The following ZNF680 variants were observed in gnomAD, a reference collection of about 807,000 sequenced individuals.
ZNF680 encodes hypothetical protein FLJ90430.
In ZNF680, 6 loss-of-function variants were observed where a neutral mutation model predicts 12.1. The observed-to-expected ratio is 0.49, with a 90% CI of 0.27 to 0.98. The LOEUF is 0.98. Among genes scored for constraint, ZNF680 ranks in the 50% least tolerant of loss-of-function variants. The pLI is 0.12. For missense variants in ZNF680, 561 were observed against 616.3 expected (o/e 0.91, Z 0.95); for synonymous variants, 170 against 199.3 (o/e 0.85, Z 1.24).
downstream of ZNF680, among the ~76,000 whole-genome samples, chr7:64,515,698 T>C (rs1176542515): frequency 6.6e-6 from 1 of 152,188 alleles, no homozygotes; most frequent in Non-Finnish European, 1.5e-5. Context: ...CACAAACCTC[T>C]AGCTCACTCA....
chr7:64,543,780 G>A lies in ZNF680; in HGVS notation c.180C>T (p.His60=). Reference sequence around the variant, plus strand: ...TTCCTTGCTCCAAACAGGTTATCAGGTGAGGCTTAGAGACAGCAATACCTG... The same window carrying A: ...TTCCTTGCTCCAAACAGGTTATCAGATGAGGCTTAGAGACAGCAATACCTG... ...VFLGIAVSKP[H]LITCLEQGKE... The change falls in exon 3 of 4, where the codon CAC becomes CAT. Residue 60 remains histidine (H), a synonymous_variant. Coordinates refer to ENST00000309683, the MANE Select transcript of ZNF680 (RefSeq NM_178558.5). 6.2e-7 allele frequency: 1 copy of A among 1,613,316 alleles called. No individual in the cohort carries two copies. Among genetic ancestry groups the A allele is most frequent in the Non-Finnish European group, 8.5e-7 (1 of 1,179,640 alleles).
Position 64,521,076 on chromosome 7 carries a change from G to GT in ZNF680, c.*84dup. Reference sequence around the variant, plus strand: ...TAAATTATCTTACCTACAAGCAAGTGTAACAATCATTGGAAGGCTTTGTCA... The same window carrying GT: ...TAAATTATCTTACCTACAAGCAAGTGTTAACAATCATTGGAAGGCTTTGTCA... On this transcript the variant is annotated 3_prime_UTR_variant, in exon 4 of 4. Transcript: ENST00000309683. The GT allele has an allele frequency of 1.5e-6, 2 of 1,374,564 alleles. No homozygotes were observed. The highest frequency in any genetic ancestry group is 2.9e-5 in the South Asian group (2 of 69,606). The allele number at this position is 1,374,564 out of a possible 1,614,324, so 85.1% of individuals were successfully genotyped here.
chr7:64,540,381 T>C (rs373798418), intron 3 of ZNF680, among the ~76,000 whole-genome samples: 12 of 150,714 alleles, frequency 8.0e-5, no homozygotes, highest in African/African-American at 2.9e-4. Context: ...CTCAGCTCAC[T>C]GTAACCTCTG....
At chr7:64,513,650 A>AT in the ZNF680 span, among the ~76,000 whole-genome samples, 498 of 148,492 alleles carry the variant, frequency 3.4e-3, 1 homozygote, top group African/African-American at 9.9e-3. Flanking sequence ...TTAATTAAAA[A>AT]TTTTTTTTTT....
At chr7:64,518,378 C>T (rs1353187306), downstream of ZNF680, among the ~76,000 whole-genome samples, 1 of 151,820 alleles carries the variant, frequency 6.6e-6, no homozygotes, top group African/African-American at 2.4e-5. Flanking sequence ...CATGAAAGAC[C>T]TCTACAAGGA....
intron 3 of ZNF680, among the ~76,000 whole-genome samples, chr7:64,541,369 G>A (rs1338373241): frequency 6.6e-5 from 10 of 151,994 alleles, no homozygotes; most frequent in Admixed American, 6.6e-4. Flanking sequence ...TTCCTTATTT[G>A]CTTATCATCC....
intron 3 of ZNF680, among the ~76,000 whole-genome samples, chr7:64,532,689 G>A (rs1225987692): frequency 2.6e-5 from 4 of 152,110 alleles, no homozygotes; most frequent in African/African-American, 9.7e-5. Flanking sequence ...CCAACATCAT[G>A]CTAATATCAA....
chr7:64,527,000 G>A (rs968260604), intron 3 of ZNF680, among the ~76,000 whole-genome samples: 8 of 152,226 alleles, frequency 5.3e-5, no homozygotes, highest in Non-Finnish European at 8.8e-5. Context: ...CATTTTGGGA[G>A]GCCGAGGTGG....
rs1562763750 is a variant in ZNF680, at chr7:64,544,437, AAAAC to A, written c.31-9_31-6del. The A allele has an allele frequency of 5.1e-6, 8 of 1,555,922 alleles. No individual in the cohort carries two copies. In the Admixed American group the frequency reaches 5.4e-5, roughly 11 times the overall value. ...ATCCCTAAATGTCAGTGGTCCCTGAAAAACACACACACACACACACACACACACA... is the reference window on the plus strand; with the variant it reads ...ATCCCTAAATGTCAGTGGTCCCTGAAACACACACACACACACACACACACA... On this transcript the variant is annotated splice_region_variant and splice_polypyrimidine_tract_variant and intron_variant, in intron 1 of 3. Transcript: ENST00000309683.
intron 3 of ZNF680, among the ~76,000 whole-genome samples, chr7:64,543,487 T>G (rs111468818): frequency 9.5e-4 from 144 of 152,310 alleles, no homozygotes; most frequent in African/African-American, 3.3e-3. Context: ...TACAGTAAAC[T>G]TGAAGGAAGA....
the ZNF680 span, among the ~76,000 whole-genome samples, chr7:64,499,350 TCAGA>T: frequency 8.8e-5 from 13 of 148,228 alleles, no homozygotes; most frequent in Non-Finnish European, 1.5e-4. Context: ...CACCATCAAC[TCAGA>T]CAAACACTGC....
At chr7:64,558,570 A>C (rs1787547323) in intron 1 of ZNF680, among the ~76,000 whole-genome samples, 1 of 152,182 alleles carries the variant, frequency 6.6e-6, no homozygotes, top group African/African-American at 2.4e-5. Flanking sequence ...AGGGCCCTGG[A>C]AATCTGGGGA....
downstream of ZNF680, among the ~76,000 whole-genome samples, chr7:64,516,929 ACAAAACCTAT>A (rs1162125083): frequency 6.6e-6 from 1 of 152,158 alleles, no homozygotes; most frequent in Non-Finnish European, 1.5e-5. Context: ...TGATATAGTG[ACAAAACCTAT>A]CAAAACCTCT....
chr7:64,541,843 C>A (rs529309348), intron 3 of ZNF680, among the ~76,000 whole-genome samples: 4 of 152,188 alleles, frequency 2.6e-5, no homozygotes, highest in Non-Finnish European at 5.9e-5. Flanking sequence ...CAGACCTTGT[C>A]CTTTACTGTG....
At chr7:64,506,499 T>G in the ZNF680 span, among the ~76,000 whole-genome samples, 1 of 152,020 alleles carries the variant, frequency 6.6e-6, no homozygotes, top group African/African-American at 2.4e-5. Context: ...AGTCTTTTAG[T>G]TTCTTTTGTT....
At chr7:64,522,932 GA>G (rs1037815463) in intron 3 of ZNF680, among the ~76,000 whole-genome samples, 6 of 145,696 alleles carry the variant, frequency 4.1e-5, no homozygotes, top group South Asian at 2.2e-4. Flanking sequence ...CTACAAAATG[GA>G]AAAAAAAAAG....
rs144542045 is a variant in ZNF680 at position 64,522,712 on chromosome 7, T to A, written c.254-212A>T. Among the ~76,000 whole-genome samples, 677 of 151,036 alleles carry A rather than the reference T, an allele frequency of 4.5e-3. 6 individuals carry two copies. Among genetic ancestry groups the A allele is most frequent in the South Asian group, 0.014 (69 of 4,792 alleles). ...CACAATGATATTTATAACAAACACA[T>A]ATATAAACACAATTTCAAAAGTCAC... On this transcript the variant is annotated intron_variant, in intron 3 of 3. Transcript: ENST00000309683.
At chr7:64,539,967 A>T (rs1786412553) in intron 3 of ZNF680, among the ~76,000 whole-genome samples, 1 of 152,204 alleles carries the variant, frequency 6.6e-6, no homozygotes, top group Admixed American at 6.5e-5. Context: ...TGTACACTTC[A>T]ATGAATTTAA....
rs191691467 is a variant in ZNF680, at chr7:64,521,039, T to C, written c.*122A>G. The stretch of plus-strand genomic sequence containing the variant: ...TGTCACATTCTTTACACTTATAAAG[T>C]TTTCTCCAATATAAATTATCTTACC... On this transcript the variant is annotated 3_prime_UTR_variant, in exon 4 of 4. Transcript: ENST00000309683. 5.4e-6 allele frequency: 6 copies of C among 1,119,148 alleles called. No individual in the cohort carries two copies. The Admixed American group carries it at 7.8e-5, about 15-fold the overall frequency. The allele number at this position is 1,119,148 out of a possible 1,614,324, so 69.3% of individuals were successfully genotyped here. A position where few individuals can be genotyped will look rare whatever the true frequency, so the allele number is the denominator to read the frequency against.
Sources: gnomAD v4.1 joint callset for allele counts (sites outside exome capture counted in the v4.1 genomes callset) on GRCh38, gnomAD v4.1.1 for gene constraint, MANE v1.5 for transcripts, NCBI Gene and HGNC (gene_info 2026-07-23, HGNC 2026-07-21) for gene names.